The following SORCS1 variants were observed in gnomAD, a reference collection of about 807,000 sequenced individuals.
The protein encoded by SORCS1 is VPS10 domain-containing receptor SorCS1.
In SORCS1, 60 loss-of-function variants were observed where a neutral mutation model predicts 146.1. The observed-to-expected ratio is 0.41, with a 90% CI of 0.33 to 0.51. The LOEUF (loss-of-function observed/expected upper bound fraction) is 0.51. Among genes scored for constraint, SORCS1 ranks in the 20% least tolerant of loss-of-function variants. The pLI is 0.21. For missense variants in SORCS1, 1,352 were observed against 1,487.6 expected (o/e 0.91, Z 1.50); for synonymous variants, 637 against 584.0 (o/e 1.09, Z -1.31).
At chr10:107,039,407 T>C (rs958390710) in intron 1 of SORCS1, among the ~76,000 whole-genome samples, 2 of 151,474 alleles carry the variant, frequency 1.3e-5, no homozygotes, top group African/African-American at 4.9e-5. Context: ...CCCTATATAA[T>C]GTTGCCCTCT....
chr10:107,009,743 C>A (rs1245417671), intron 1 of SORCS1, among the ~76,000 whole-genome samples: 2 of 152,088 alleles, frequency 1.3e-5, no homozygotes, highest in South Asian at 2.1e-4. Flanking sequence ...TATTTTCTGA[C>A]GAAAATGTTA....
At chr10:106,956,095 C>T (rs530393576) in intron 2 of SORCS1, among the ~76,000 whole-genome samples, 20 of 151,844 alleles carry the variant, frequency 1.3e-4, no homozygotes, top group African/African-American at 4.6e-4. Flanking sequence ...CGCCATTGCA[C>T]TCCAGCCTGG....
At chr10:106,954,401 G>A in intron 2 of SORCS1, among the ~76,000 whole-genome samples, 1 of 152,128 alleles carries the variant, frequency 6.6e-6, no homozygotes, top group East Asian at 1.9e-4. Flanking sequence ...AATATAGTAG[G>A]TGCGGGCTCC....
intron 13 of SORCS1, 75 bp from the exon 14 acceptor site, chr10:106,675,231 C>T (rs954346533): frequency 9.2e-7 from 1 of 1,085,596 alleles, no homozygotes; most frequent in Non-Finnish European, 1.4e-6. Context: ...AAGATACTCT[C>T]AACCCAGAGA....
intron 2 of SORCS1, among the ~76,000 whole-genome samples, chr10:106,842,359 G>A (rs1049223598): frequency 5.3e-5 from 8 of 152,072 alleles, no homozygotes; most frequent in Admixed American, 1.3e-4. Flanking sequence ...TCAGGCTCCC[G>A]AGTAGCTGGG....
intron 6 of SORCS1, among the ~76,000 whole-genome samples, chr10:106,713,940 T>C (rs1855175664): frequency 6.6e-6 from 1 of 151,990 alleles, no homozygotes; most frequent in Non-Finnish European, 1.5e-5. Context: ...AGGACCAGCC[T>C]GACCAACATA....
rs551361261 is a variant in SORCS1, at chr10:106,830,092, C to T, written c.627-419G>A. On this transcript the variant is annotated intron_variant, in intron 2 of 25. Transcript: ENST00000263054. ...ACAAATTGTGTTTTCTTTCATGAGT[C>T]AGGGAATATATGGTGGGTCAGTCCC... 6.6e-5 allele frequency among the ~76,000 whole-genome samples: 10 copies of T among 152,264 alleles called. No individual in the cohort carries two copies. In the South Asian group the frequency reaches 2.1e-3, roughly 32 times the overall value.
intron 2 of SORCS1, among the ~76,000 whole-genome samples, chr10:106,900,957 T>G (rs1200826065): frequency 6.6e-6 from 1 of 152,078 alleles, no homozygotes; most frequent in Non-Finnish European, 1.5e-5. Context: ...TTTTGGTTTG[T>G]GTGTGTGTGT....
At position 106,944,298 on chromosome 10, in the gene SORCS1, C is replaced by T. The variant is rs574296057; in HGVS notation, c.626+12215G>A. On this transcript the variant is annotated intron_variant, in intron 2 of 25. Coordinates refer to ENST00000263054, the MANE Select transcript of SORCS1 (RefSeq NM_052918.5). ...TACTTAGCACAGAACTGACCAATTG[C>T]ACACACAGACTGTATTGTGATTTAG... 5.3e-5 allele frequency among the ~76,000 whole-genome samples: 8 copies of T among 152,292 alleles called. No individual in the cohort carries two copies. The South Asian group carries it at 1.2e-3, about 24-fold the overall frequency.
intron 2 of SORCS1, among the ~76,000 whole-genome samples, chr10:106,858,598 CCT>C (rs1017987721): frequency 3.0e-5 from 4 of 132,480 alleles, no homozygotes; most frequent in Non-Finnish European, 6.3e-5. Context: ...ACAGAGCAAG[CCT>C]CTGTCTCAAA....
At chr10:106,891,517 T>TTTTTTTTTTGTTTTTTTTTTTG (rs1589645055) in intron 2 of SORCS1, among the ~76,000 whole-genome samples, 1 of 149,442 alleles carries the variant, frequency 6.7e-6, no homozygotes, top group African/African-American at 2.5e-5. Flanking sequence ...TTTTTTTTTT[T>TTTTTTTTTTGTTTTTTTTTTTG]GAGAAAAGAC....
chr10:106,642,573 A>C (rs1383555253), intron 18 of SORCS1, among the ~76,000 whole-genome samples: 1 of 152,214 alleles, frequency 6.6e-6, no homozygotes, highest in Non-Finnish European at 1.5e-5. Context: ...ATGTATTGCT[A>C]GTAGGGGCAC....
intron 2 of SORCS1, among the ~76,000 whole-genome samples, chr10:106,931,612 T>A: frequency 6.6e-6 from 1 of 152,230 alleles, no homozygotes; most frequent in East Asian, 1.9e-4. Flanking sequence ...AGAGGCATCA[T>A]CGTGGGAAAG....
chr10:106,693,672 A>T (rs1373663159), intron 9 of SORCS1, among the ~76,000 whole-genome samples: 1 of 152,198 alleles, frequency 6.6e-6, no homozygotes, highest in African/African-American at 2.4e-5. Flanking sequence ...TTGGTGACTT[A>T]AAGAAAAAAA....
intron 3 of SORCS1, among the ~76,000 whole-genome samples, chr10:106,814,846 C>T (rs1268287794): frequency 3.3e-5 from 4 of 121,162 alleles, no homozygotes; most frequent in Non-Finnish European, 3.2e-5. Flanking sequence ...ACCTGGGAGG[C>T]GGAGCTTGCA....
At chr10:107,006,431 G>C (rs903755127) in intron 1 of SORCS1, among the ~76,000 whole-genome samples, 1 of 152,196 alleles carries the variant, frequency 6.6e-6, no homozygotes, top group Non-Finnish European at 1.5e-5. Context: ...ATGAACAGGT[G>C]AAAGAACCCC....
chr10:107,095,917 A>C (rs1964518819), intron 1 of SORCS1, among the ~76,000 whole-genome samples: 1 of 152,200 alleles, frequency 6.6e-6, no homozygotes, highest in Admixed American at 6.5e-5. Flanking sequence ...GCCCCAACAT[A>C]GTTATTTCCA....
chr10:106,914,170 T>C (rs1026393770), intron 2 of SORCS1, among the ~76,000 whole-genome samples: 2 of 152,202 alleles, frequency 1.3e-5, no homozygotes, highest in Middle Eastern at 3.2e-3. Flanking sequence ...TGCCCAGAAT[T>C]TACAACATTT....
chr10:106,815,947 G>A (rs756023414), intron 3 of SORCS1, among the ~76,000 whole-genome samples: 4 of 152,238 alleles, frequency 2.6e-5, no homozygotes, highest in South Asian at 2.1e-4. Flanking sequence ...TAAATCAAAC[G>A]GGGAAAGGCA....
Sources: gnomAD v4.1 joint callset for allele counts (sites outside exome capture counted in the v4.1 genomes callset) on GRCh38, gnomAD v4.1.1 for gene constraint, MANE v1.5 for transcripts, NCBI Gene and HGNC (gene_info 2026-07-23, HGNC 2026-07-21) for gene names.